CEP41: variants seen among roughly 807,000 people sequenced by gnomAD.
The protein encoded by CEP41 is centrosomal protein 41.
In CEP41, 32 loss-of-function variants were observed where a neutral mutation model predicts 44.3. The ratio of observed to expected loss-of-function variants is 0.72; its 90% CI spans 0.54 to 0.97. The LOEUF (loss-of-function observed/expected upper bound fraction) is 0.97, where lower values mean the gene tolerates loss of function less well. Ranked by LOEUF, CEP41 falls within the 50% of genes least tolerant of loss-of-function variation. The pLI, the probability that CEP41 is intolerant of heterozygous loss-of-function variation, is 0.00. For missense variants in CEP41, 432 were observed against 455.2 expected (o/e 0.95, Z 0.46); for synonymous variants, 151 against 168.5 (o/e 0.90, Z 0.80).
chr7:130,437,804 AG>A (rs1563000338), intron 1 of CEP41, among the ~76,000 whole-genome samples: 9 of 146,096 alleles, frequency 6.2e-5, no homozygotes, highest in East Asian at 4.1e-4. Context: ...AGAAAAAAAA[AG>A]ATGTTGATGA....
chr7:130,402,013 C>A, intron 7 of CEP41, 65 bp from the exon 8 acceptor site: 2 of 1,110,570 alleles, frequency 1.8e-6, no homozygotes, highest in Middle Eastern at 2.0e-4. Context: ...CCTCAATTCC[C>A]AGCTGGTTTA....
At chr7:130,405,689 T>C (rs1457751107) in intron 5 of CEP41, among the ~76,000 whole-genome samples, 2 of 152,214 alleles carry the variant, frequency 1.3e-5, no homozygotes, top group African/African-American at 2.4e-5. Context: ...CAATCATGCA[T>C]GGGTAAAAGA....
intron 1 of CEP41, among the ~76,000 whole-genome samples, chr7:130,437,624 TG>T (rs1798006023): frequency 6.6e-6 from 1 of 151,122 alleles, no homozygotes; most frequent in African/African-American, 2.4e-5. Context: ...TACAAAAAAA[TG>T]AGCTGGGCAC....
chr7:130,404,270 G>A (rs1554417694), intron 6 of CEP41, among the ~76,000 whole-genome samples: 4 of 152,140 alleles, frequency 2.6e-5, no homozygotes, highest in Non-Finnish European at 1.5e-5. Context: ...GATAGTATTT[G>A]TAAAGCTAAT....
At position 130,395,852 on chromosome 7, in the gene CEP41, G is replaced by A. The variant is rs782488506; in HGVS notation, c.*3039C>T. On this transcript the variant is annotated 3_prime_UTR_variant, in exon 11 of 11. Transcript: ENST00000223208. ...GATTTATACCAAGCCCAATATGATC[G>A]TGCTGGTCCTGGCTAACCACTAAAG... 6.7e-6 allele frequency: 3 copies of A among 451,062 alleles called. No individual in the cohort carries two copies. The highest frequency in any genetic ancestry group is 4.1e-5 in the African/African-American group (2 of 49,208). 27.9% of individuals were successfully genotyped at this position (451,062 alleles called of 1,614,324 possible). A position where few individuals can be genotyped will look rare whatever the true frequency, so the allele number is the denominator to read the frequency against.
At chr7:130,437,778 A>AG (rs1304098259) in intron 1 of CEP41, among the ~76,000 whole-genome samples, 4 of 105,720 alleles carry the variant, frequency 3.8e-5, no homozygotes, top group South Asian at 3.3e-4. Context: ...AAAAAAAAAA[A>AG]AAAAAAAAAA....
At chr7:130,433,729 G>A (rs879972832) in intron 1 of CEP41, among the ~76,000 whole-genome samples, 1 of 152,192 alleles carries the variant, frequency 6.6e-6, no homozygotes, top group Non-Finnish European at 1.5e-5. Flanking sequence ...TTAGTCAAAT[G>A]GAAATCTCTT....
chr7:130,440,891 G>A lies in CEP41; in HGVS notation c.33+43C>T, dbSNP rs200302050. 8 of 1,602,818 alleles carry A rather than the reference G, an allele frequency of 5.0e-6. No individual in the cohort carries two copies. The East Asian group carries it at 1.8e-4, about 36-fold the overall frequency. On this transcript the variant is annotated intron_variant, in intron 1 of 10. Coordinates refer to ENST00000223208, the MANE Select transcript of CEP41 (RefSeq NM_018718.3). ...CCTGCCCACATGAGCCTTTTCCGGT[G>A]CGCCCGCCCCCTCCGGCTCTCCGGC...
chr7:130,426,483 T>C (rs543918783), intron 2 of CEP41: 13 of 292,402 alleles, frequency 4.4e-5, no homozygotes, highest in Non-Finnish European at 8.5e-5. Flanking sequence ...GACAAATCTA[T>C]ATATCTGAAA....
rs1796584462 is a variant in CEP41, at chr7:130,393,807, C to T, written c.*5084G>A. 4.4e-6 allele frequency: 2 copies of T among 453,976 alleles called. No individual in the cohort carries two copies. Among genetic ancestry groups the T allele is most frequent in the South Asian group, 3.1e-5 (2 of 64,456 alleles). 28.1% of individuals were successfully genotyped at this position (453,976 alleles called of 1,614,324 possible). ...TGGTTTACTGAATGAATGGCTAGAC[C>T]TATCAGGAAAACAGCCTACTTTTTT... is the stretch of plus-strand genomic sequence containing the variant. On this transcript the variant is annotated 3_prime_UTR_variant, in exon 11 of 11. Coordinates refer to ENST00000223208, the MANE Select transcript of CEP41 (RefSeq NM_018718.3).
intron 3 of CEP41, among the ~76,000 whole-genome samples, chr7:130,414,105 C>T (rs1554420366): frequency 3.9e-5 from 6 of 152,178 alleles, no homozygotes. Flanking sequence ...AATGATACTA[C>T]TTTAAAAACT....
At chr7:130,438,488 G>A (rs1798043297) in intron 1 of CEP41, among the ~76,000 whole-genome samples, 1 of 152,128 alleles carries the variant, frequency 6.6e-6, no homozygotes. Flanking sequence ...GAGCCCGGGA[G>A]GTGGAGGTTG....
Position 130,394,863 on chromosome 7 carries a change from T to C in CEP41, c.*4028A>G, listed in dbSNP as rs1796614655. The stretch of plus-strand genomic sequence containing the variant: ...GCAACAGGAAGACATATTGATATCC[T>C]TTAAAAGATGCAGCCCATCCGTCCA... On this transcript the variant is annotated 3_prime_UTR_variant, in exon 11 of 11. Coordinates refer to ENST00000223208, the MANE Select transcript of CEP41 (RefSeq NM_018718.3). 1 of 454,040 alleles carries C rather than the reference T, an allele frequency of 2.2e-6. No homozygotes were observed. The highest frequency in any genetic ancestry group is 4.4e-6 in the Non-Finnish European group (1 of 226,810). 28.1% of individuals were successfully genotyped at this position (454,040 alleles called of 1,614,324 possible). A position where few individuals can be genotyped will look rare whatever the true frequency, so the allele number is the denominator to read the frequency against.
Position 130,400,264 on chromosome 7 carries a change from G to T in CEP41, c.758-10C>A. On this transcript the variant is annotated splice_polypyrimidine_tract_variant and intron_variant, in intron 9 of 10. Transcript: ENST00000223208. ...GCTAAGACTTTTAGACCTAGGTTTGGAAAATCATCAGAAAAAGCTGCATTA... is the reference window on the plus strand; with the variant it reads ...GCTAAGACTTTTAGACCTAGGTTTGTAAAATCATCAGAAAAAGCTGCATTA... 6.2e-7 allele frequency: 1 copy of T among 1,601,144 alleles called. No individual in the cohort carries two copies. The highest frequency in any genetic ancestry group is 8.6e-7 in the Non-Finnish European group (1 of 1,168,400).
Position 130,398,495 on chromosome 7 carries a change from G to A in CEP41, c.*396C>T. 1 of 456,136 alleles carries A rather than the reference G, an allele frequency of 2.2e-6. No homozygotes were observed. The highest frequency in any genetic ancestry group is 1.6e-5 in the South Asian group (1 of 64,496). The allele number at this position is 456,136 out of a possible 1,614,324, so 28.3% of individuals were successfully genotyped here. A position where few individuals can be genotyped will look rare whatever the true frequency, so the allele number is the denominator to read the frequency against. ...AAGAACAGTGAATGAAAAGGTGGCA[G>A]GGACAGGCACACGGGCAGATGTGAC... On this transcript the variant is annotated 3_prime_UTR_variant, in exon 11 of 11. Transcript: ENST00000223208.
At chr7:130,402,931 G>C (rs1796897920) in intron 6 of CEP41, 132 bp from the exon 7 acceptor site, 11 of 923,658 alleles carry the variant, frequency 1.2e-5, no homozygotes, top group Non-Finnish European at 1.9e-5. Context: ...AAAGGAAAAT[G>C]GACGTGGTGT....
intron 5 of CEP41, among the ~76,000 whole-genome samples, chr7:130,407,606 C>T (rs1050492258): frequency 1.3e-5 from 2 of 152,106 alleles, no homozygotes; most frequent in East Asian, 3.8e-4. Flanking sequence ...GGGAGAACTA[C>T]TGAGTATATG....
rs1554413629 is a variant in CEP41 at position 130,394,304 on chromosome 7, A to C, written c.*4587T>G. 1 of 454,098 alleles carries C rather than the reference A, an allele frequency of 2.2e-6. No individual in the cohort carries two copies. The highest frequency in any genetic ancestry group is 2.3e-5 in the Admixed American group (1 of 42,566). 28.1% of individuals were successfully genotyped at this position (454,098 alleles called of 1,614,324 possible). On this transcript the variant is annotated 3_prime_UTR_variant, in exon 11 of 11. Transcript: ENST00000223208. ...GTCACTTAATTTCTACCCGAACCTC[A>C]GTCTCCTCATCTGAAAATGGGGGTG...
chr7:130,435,141 A>G (rs1434402519), intron 1 of CEP41, among the ~76,000 whole-genome samples: 1 of 152,214 alleles, frequency 6.6e-6, no homozygotes, highest in East Asian at 1.9e-4. Context: ...TAAAACTCTT[A>G]TATTTCTCTC....
Sources: allele counts gnomAD v4.1 joint callset (sites outside exome capture counted in the v4.1 genomes callset), GRCh38; gene constraint gnomAD v4.1.1; transcripts MANE v1.5; gene names NCBI Gene and HGNC (gene_info 2026-07-23, HGNC 2026-07-21).